The following FOXP2 variants were observed in gnomAD, a reference collection of about 807,000 sequenced individuals.
FOXP2 encodes the protein forkhead box protein P2.
Under a neutral mutation model 115.8 loss-of-function variants are expected in FOXP2, and 12 were observed. The ratio of observed to expected loss-of-function variants is 0.10; its 90% confidence interval spans 0.07 to 0.17. The LOEUF (loss-of-function observed/expected upper bound fraction) is 0.17. Among genes scored for constraint, FOXP2 ranks in the 10% least tolerant of loss-of-function variants. The probability of loss-of-function intolerance (pLI) is 1.00; values close to 1 mark genes in which losing one functional copy is unlikely to be tolerated. For missense variants in FOXP2, 629 were observed against 843.5 expected (o/e 0.75, Z 3.15); for synonymous variants, 328 against 297.7 (o/e 1.10, Z -1.05).
chr7:114,338,045 A>G (rs746928457), intron 2 of FOXP2, among the ~76,000 whole-genome samples: 2 of 151,204 alleles, frequency 1.3e-5, no homozygotes, highest in Non-Finnish European at 3.0e-5. Context: ...GTAGAGGCCT[A>G]TTATATATTT....
At chr7:114,370,872 A>G (rs1390964656) in intron 2 of FOXP2, among the ~76,000 whole-genome samples, 2 of 152,106 alleles carry the variant, frequency 1.3e-5, no homozygotes, top group African/African-American at 4.8e-5. Flanking sequence ...ATATAATTGG[A>G]GATAGTTTTG....
At chr7:114,609,816 A>G (rs200608768) in intron 3 of FOXP2, among the ~76,000 whole-genome samples, 1 of 152,202 alleles carries the variant, frequency 6.6e-6, no homozygotes, top group Non-Finnish European at 1.5e-5. Flanking sequence ...GGCAGTGTCA[A>G]CATTCCCATT....
At chr7:114,609,843 A>G (rs557545999) in intron 3 of FOXP2, among the ~76,000 whole-genome samples, 4 of 152,268 alleles carry the variant, frequency 2.6e-5, no homozygotes, top group African/African-American at 9.6e-5. Flanking sequence ...TCTTTATTCT[A>G]TAGCTTGATT....
chr7:114,371,288 G>C (rs936061716), intron 2 of FOXP2, among the ~76,000 whole-genome samples: 3 of 141,838 alleles, frequency 2.1e-5, no homozygotes. Flanking sequence ...GTTTTGCCAT[G>C]TTGCACAGGC....
At chr7:114,574,906 CAAATT>C (rs1390957981) in intron 3 of FOXP2, among the ~76,000 whole-genome samples, 1 of 151,858 alleles carries the variant, frequency 6.6e-6, no homozygotes, top group Non-Finnish European at 1.5e-5. Flanking sequence ...ATTTTCCATT[CAAATT>C]AAATTACACT....
intron 2 of FOXP2, among the ~76,000 whole-genome samples, chr7:114,307,119 T>C (rs1377144547): frequency 6.6e-6 from 1 of 152,194 alleles, no homozygotes; most frequent in African/African-American, 2.4e-5. Context: ...CTACCAAATA[T>C]GCTGTATTGG....
intron 1 of FOXP2, among the ~76,000 whole-genome samples, chr7:114,217,965 C>T (rs1794526493): frequency 6.6e-6 from 1 of 152,132 alleles, no homozygotes; most frequent in Non-Finnish European, 1.5e-5. Context: ...CCCTTCTCAG[C>T]TTAGGCATGG....
intron 1 of FOXP2, among the ~76,000 whole-genome samples, chr7:114,172,797 G>T (rs188683509): frequency 5.3e-5 from 8 of 152,192 alleles, no homozygotes; most frequent in Admixed American, 5.2e-4. Context: ...ATGATTCTAA[G>T]TAGAATTCTG....
rs1319785550 is a variant in FOXP2 at position 114,693,504 on chromosome 7, T to G, written c.*3578T>G. The stretch of plus-strand genomic sequence containing the variant: ...TATTAACACACATTTGGACAATAGC[T>G]TTATTAAGTCTATAAAGCTATTGAA... On this transcript the variant is annotated 3_prime_UTR_variant, in exon 17 of 17. Coordinates refer to ENST00000350908, the MANE Select transcript of FOXP2 (RefSeq NM_014491.4). 1.3e-5 allele frequency: 6 copies of G among 452,504 alleles called. No individual in the cohort carries two copies. Among genetic ancestry groups the G allele is most frequent in the South Asian group, 9.3e-5 (6 of 64,196 alleles). 28.0% of individuals were successfully genotyped at this position (452,504 alleles called of 1,614,324 possible).
chr7:114,468,553 G>A (rs181566910), intron 2 of FOXP2, among the ~76,000 whole-genome samples: 6 of 151,994 alleles, frequency 3.9e-5, no homozygotes, highest in South Asian at 2.1e-4. Context: ...AGTTCCCTAC[G>A]CTACATACGG....
intron 1 of FOXP2, among the ~76,000 whole-genome samples, chr7:114,103,994 G>A (rs957676700): frequency 1.3e-5 from 2 of 150,926 alleles, no homozygotes; most frequent in African/African-American, 4.9e-5. Context: ...CTATAATACT[G>A]AATTTCTTTG....
intron 2 of FOXP2, among the ~76,000 whole-genome samples, chr7:114,300,267 T>A (rs1420449979): frequency 6.6e-6 from 1 of 152,092 alleles, no homozygotes; most frequent in African/African-American, 2.4e-5. Context: ...ACTGGTTAAG[T>A]TAGAGTATAT....
intron 2 of FOXP2, among the ~76,000 whole-genome samples, chr7:114,397,714 C>T (rs1214239150): frequency 2.6e-5 from 4 of 152,126 alleles, no homozygotes; most frequent in Non-Finnish European, 4.4e-5. Flanking sequence ...TGGACCAGAT[C>T]CCATGGGTTC....
At chr7:114,281,912 T>C (rs552787511) in intron 1 of FOXP2, among the ~76,000 whole-genome samples, 15 of 152,242 alleles carry the variant, frequency 9.9e-5, no homozygotes, top group African/African-American at 3.6e-4. Flanking sequence ...GGCTCCACTT[T>C]CTTAGATCCA....
At chr7:114,366,799 T>C (rs1791892451) in intron 2 of FOXP2, among the ~76,000 whole-genome samples, 1 of 152,166 alleles carries the variant, frequency 6.6e-6, no homozygotes, top group Non-Finnish European at 1.5e-5. Flanking sequence ...TTAGATGCCA[T>C]TTATAAGATA....
intron 1 of FOXP2, among the ~76,000 whole-genome samples, chr7:114,126,102 G>A (rs1167114353): frequency 2.0e-5 from 3 of 152,086 alleles, no homozygotes; most frequent in Non-Finnish European, 4.4e-5. Flanking sequence ...AAACAGATGT[G>A]TAAATAGATA....
chr7:114,119,570 G>C (rs2129143456), intron 1 of FOXP2, among the ~76,000 whole-genome samples: 1 of 151,990 alleles, frequency 6.6e-6, no homozygotes, highest in Middle Eastern at 3.4e-3. Context: ...AAAAATTTGG[G>C]CAAGGTAGTA....
intron 2 of FOXP2, among the ~76,000 whole-genome samples, chr7:114,363,481 G>A (rs1467906792): frequency 6.6e-6 from 1 of 152,066 alleles, no homozygotes; most frequent in Non-Finnish European, 1.5e-5. Flanking sequence ...CATGAACATT[G>A]TAATGTTTAA....
chr7:114,254,447 G>T (rs1478152561), intron 1 of FOXP2, among the ~76,000 whole-genome samples: 2 of 152,042 alleles, frequency 1.3e-5, no homozygotes, highest in East Asian at 3.9e-4. Flanking sequence ...ACATAGATTT[G>T]GTCTTTTCAC....
Sources: allele counts gnomAD v4.1 joint callset (sites outside exome capture counted in the v4.1 genomes callset), GRCh38; gene constraint gnomAD v4.1.1; transcripts MANE v1.5; gene names NCBI Gene and HGNC (gene_info 2026-07-23, HGNC 2026-07-21).